The following PTPRS variants were observed in gnomAD, a reference collection of about 807,000 sequenced individuals.
PTPRS encodes protein tyrosine phosphatase receptor type S.
A neutral mutation model predicts 215.3 loss-of-function variants in PTPRS; 63 were observed. The observed-to-expected ratio is 0.29, with a 90% confidence interval of 0.24 to 0.36. PTPRS has a LOEUF of 0.36. Among genes scored for constraint, PTPRS ranks in the 10% least tolerant of loss-of-function variants. The pLI is 1.00. For synonymous variants in PTPRS, 1,404 were observed against 1,191.4 expected (o/e 1.18, Z -3.68); for missense variants, 2,258 against 2,825.8 (o/e 0.80, Z 4.56).
chr19:5,267,491 T>A (rs534245925), intron 4 of PTPRS, among the ~76,000 whole-genome samples: 3 of 152,016 alleles, frequency 2.0e-5, no homozygotes, highest in African/African-American at 7.2e-5. Context: ...ACCCCGTCTC[T>A]ACTAAAAATA....
Position 5,223,309 on chromosome 19 carries a change from CG to C in PTPRS, c.2495-13del. 1 of 1,444,958 alleles carries C rather than the reference CG, an allele frequency of 6.9e-7. No homozygotes were observed. The allele number at this position is 1,444,958 out of a possible 1,614,324, so 89.5% of individuals were successfully genotyped here. On this transcript the variant is annotated splice_polypyrimidine_tract_variant and intron_variant, in intron 17 of 37. Coordinates refer to ENST00000262963, the MANE Select transcript of PTPRS (RefSeq NM_002850.4). ...TGGGCGGCCCAGCACTGCGGGGATACGGGGCAGGTGTCAGGGTCCCAGCGCC... is the reference window on the plus strand; with the variant it reads ...TGGGCGGCCCAGCACTGCGGGGATACGGGCAGGTGTCAGGGTCCCAGCGCC...
chr19:5,268,178 T>C (rs1284062302), intron 4 of PTPRS, among the ~76,000 whole-genome samples: 1 of 130,468 alleles, frequency 7.7e-6, no homozygotes, highest in African/African-American at 2.6e-5. Flanking sequence ...TCAAAATAAA[T>C]AAATAAATAA....
intron 2 of PTPRS, among the ~76,000 whole-genome samples, chr19:5,281,009 C>G (rs546874118): frequency 3.3e-5 from 5 of 151,766 alleles, no homozygotes; most frequent in African/African-American, 7.3e-5. Flanking sequence ...CCAGGCTGGT[C>G]GCGAACTCCT....
chr19:5,223,305 G>C lies in PTPRS; in HGVS notation c.2495-8C>G. On this transcript the variant is annotated splice_region_variant and splice_polypyrimidine_tract_variant and intron_variant, in intron 17 of 37. Transcript: ENST00000262963. ...GGGTTGGGCGGCCCAGCACTGCGGG[G>C]ATACGGGGCAGGTGTCAGGGTCCCA... 6.9e-7 allele frequency: 1 copy of C among 1,449,082 alleles called. No individual in the cohort carries two copies. The highest frequency in any genetic ancestry group is 9.0e-7 in the Non-Finnish European group (1 of 1,108,884). The allele number at this position is 1,449,082 out of a possible 1,614,324, so 89.8% of individuals were successfully genotyped here.
chr19:5,319,353 G>A (rs569301557), intron 1 of PTPRS, among the ~76,000 whole-genome samples: 15 of 151,976 alleles, frequency 9.9e-5, no homozygotes, highest in Admixed American at 3.9e-4. Context: ...GGAGGTTGCA[G>A]TGAGCTAAGA....
chr19:5,275,470 T>C (rs1370040099), intron 2 of PTPRS, among the ~76,000 whole-genome samples: 7 of 148,460 alleles, frequency 4.7e-5, no homozygotes, highest in Non-Finnish European at 7.4e-5. Flanking sequence ...CACTGCAGCC[T>C]AGACCTCCCA....
At chr19:5,255,586 G>T (rs1225259453) in intron 9 of PTPRS, among the ~76,000 whole-genome samples, 2 of 139,538 alleles carry the variant, frequency 1.4e-5, no homozygotes, top group South Asian at 2.3e-4. Context: ...AAGAAAAAAA[G>T]AAAAAAGAAA....
At chr19:5,243,829 G>A (rs1054959438) in intron 11 of PTPRS, 72 bp downstream of exon 11, 16 of 1,305,800 alleles carry the variant, frequency 1.2e-5, no homozygotes, top group African/African-American at 1.0e-4. Context: ...ACCGCTCTGC[G>A]GCTTCCAGGG....
intron 11 of PTPRS, among the ~76,000 whole-genome samples, chr19:5,243,009 G>A (rs955487879): frequency 2.0e-5 from 3 of 152,122 alleles, no homozygotes; most frequent in Admixed American, 2.0e-4. Flanking sequence ...TTAAGAAATG[G>A]GGTATTGCTA....
intron 15 of PTPRS, 24 bp downstream of exon 15, chr19:5,229,467 G>GCCCCGCCCCGGCC (rs2042827652): frequency 3.6e-6 from 5 of 1,393,088 alleles, no homozygotes; most frequent in Admixed American, 3.8e-5. Context: ...CCCGTCCCCG[G>GCCCCGCCCCGGCC]CCCCGCCCCG....
At chr19:5,289,666 G>T (rs2048649225) in intron 1 of PTPRS, among the ~76,000 whole-genome samples, 1 of 152,192 alleles carries the variant, frequency 6.6e-6, no homozygotes, top group Non-Finnish European at 1.5e-5. Flanking sequence ...GTCCAGTCCT[G>T]CCCCCGGGCC....
chr19:5,266,089 TGTC>T (rs1471843582), intron 4 of PTPRS, among the ~76,000 whole-genome samples: 9 of 152,106 alleles, frequency 5.9e-5, no homozygotes, highest in Admixed American at 5.9e-4. Flanking sequence ...GGTGAAACAC[TGTC>T]TCCATTAAAA....
intron 1 of PTPRS, among the ~76,000 whole-genome samples, chr19:5,330,292 C>A (rs1043442771): frequency 1.3e-5 from 2 of 152,150 alleles, no homozygotes; most frequent in Non-Finnish European, 2.9e-5. Flanking sequence ...CCAGTTCTCA[C>A]CCTTCCTTTG....
intron 1 of PTPRS, among the ~76,000 whole-genome samples, chr19:5,325,631 C>T (rs2050148276): frequency 1.3e-5 from 2 of 152,192 alleles, no homozygotes; most frequent in South Asian, 4.1e-4. Context: ...CCAAGGCGTC[C>T]CCAAGGACAG....
intron 9 of PTPRS, among the ~76,000 whole-genome samples, chr19:5,250,596 C>T (rs1321540187): frequency 1.9e-5 from 2 of 106,978 alleles, no homozygotes; most frequent in Admixed American, 1.3e-4. Context: ...TTCTCGTCAC[C>T]GAGTAGCCGG....
At position 5,338,512 on chromosome 19, in the gene PTPRS, G is replaced by T. The variant is rs1011311008; in HGVS notation, c.-95+2152C>A. On this transcript the variant is annotated intron_variant, in intron 1 of 37. Coordinates refer to ENST00000262963, the MANE Select transcript of PTPRS (RefSeq NM_002850.4). The surrounding 1 kb of genome is among the most constrained non-coding windows in gnomAD (Gnocchi z 4.2). ...CACGGAAGGCTTTGTGGAGGGCAGC[G>T]GGGGGGTAGGGGAGGGATGCCCAGG... 6.6e-6 allele frequency among the ~76,000 whole-genome samples: 1 copy of T among 151,942 alleles called. No individual in the cohort carries two copies. The highest frequency in any genetic ancestry group is 1.5e-5 in the Non-Finnish European group (1 of 67,976).
intron 1 of PTPRS, among the ~76,000 whole-genome samples, chr19:5,312,862 C>T (rs574112057): frequency 5.9e-5 from 9 of 152,216 alleles, no homozygotes; most frequent in South Asian, 2.1e-4. Context: ...CACAGCATGG[C>T]GGCAGCAGAG....
intron 4 of PTPRS, among the ~76,000 whole-genome samples, chr19:5,266,121 T>G (rs1444698259): frequency 6.6e-6 from 1 of 151,758 alleles, no homozygotes; most frequent in Non-Finnish European, 1.5e-5. Flanking sequence ...TAGCCGGGCA[T>G]GATGGTGCAT....
rs750099798 is a variant in PTPRS at position 5,214,457 on chromosome 19, G to A, written c.4518C>T (p.Pro1506=). 1.9e-6 allele frequency: 3 copies of A among 1,614,180 alleles called. No individual in the cohort carries two copies. The highest frequency in any genetic ancestry group is 1.7e-6 in the Non-Finnish European group (2 of 1,180,032). Residue 1506 remains proline, a synonymous_variant, in exon 30 of 38, where the codon CCC becomes CCT. Transcript: ENST00000262963. The part of the protein sequence containing the change: ...KSRIKCDQYW[P]NRGTETYGFI... Reference sequence around the variant, plus strand: ...AGCCGTAGGTCTCCGTGCCTCTGTTGGGCCAATACTGATCACACTTGATCT... The same window carrying A: ...AGCCGTAGGTCTCCGTGCCTCTGTTAGGCCAATACTGATCACACTTGATCT...
Sources: gnomAD v4.1 joint callset for allele counts (sites outside exome capture counted in the v4.1 genomes callset) on GRCh38, gnomAD v4.1.1 for gene constraint, Gnocchi (gnomAD v3.1) non-coding constraint, MANE v1.5 for transcripts, NCBI Gene and HGNC (gene_info 2026-07-23, HGNC 2026-07-21) for gene names.